The following ERI3 variants were observed in gnomAD, a reference collection of about 807,000 sequenced individuals.
ERI3 encodes the protein ERI1 exoribonuclease 3.
Under a neutral mutation model 44.4 loss-of-function variants are expected in ERI3, and 18 were observed. The observed-to-expected ratio is 0.41, with a 90% confidence interval of 0.28 to 0.60. The LOEUF (loss-of-function observed/expected upper bound fraction) is 0.60, where lower values mean the gene tolerates loss of function less well. Ranked by LOEUF, ERI3 falls within the 20% of genes least tolerant of loss-of-function variation. The pLI, the probability that ERI3 is intolerant of heterozygous loss-of-function variation, is 0.36. For missense variants in ERI3, 294 were observed against 435.5 expected (o/e 0.68, Z 2.89); for synonymous variants, 183 against 164.8 (o/e 1.11, Z -0.84).
At chr1:44,248,702 A>AGTGTGTGT (rs143570480) in intron 7 of ERI3, among the ~76,000 whole-genome samples, 31,736 of 148,300 alleles carry the variant, frequency 0.21, 3,635 homozygotes, top group African/African-American at 0.31. Context: ...TGTGAGAGAG[A>AGTGTGTGT]GTGTGTGTGT....
chr1:44,280,914 A>G (rs1234908960), intron 7 of ERI3, among the ~76,000 whole-genome samples: 1 of 152,198 alleles, frequency 6.6e-6, no homozygotes, highest in Non-Finnish European at 1.5e-5. Context: ...TCAACACATA[A>G]GGATTAAACA....
chr1:44,291,809 C>T (rs563913994), intron 6 of ERI3, among the ~76,000 whole-genome samples: 50 of 152,314 alleles, frequency 3.3e-4, no homozygotes, highest in Non-Finnish European at 1.0e-4. Context: ...GGAGCCTGGC[C>T]TTTTCCCCAG....
At chr1:44,258,961 C>T (rs541372483) in intron 7 of ERI3, among the ~76,000 whole-genome samples, 33 of 152,308 alleles carry the variant, frequency 2.2e-4, no homozygotes, top group African/African-American at 7.7e-4. Context: ...GCTCCTGTAT[C>T]TTCCTTGGTC....
intron 7 of ERI3, among the ~76,000 whole-genome samples, chr1:44,267,019 T>C (rs375162804): frequency 7.9e-5 from 12 of 152,096 alleles, no homozygotes; most frequent in African/African-American, 2.7e-4. Flanking sequence ...AATAGAGCAA[T>C]AGGAGCAGGT....
At chr1:44,307,438 C>T (rs893831406) in intron 6 of ERI3, among the ~76,000 whole-genome samples, 10 of 152,142 alleles carry the variant, frequency 6.6e-5, no homozygotes, top group Admixed American at 6.5e-4. Flanking sequence ...CACACAGAGA[C>T]ACACACACGG....
chr1:44,228,692 AG>A lies in ERI3; in HGVS notation c.932-7053del, dbSNP rs1373242202. 7.9e-5 allele frequency among the ~76,000 whole-genome samples: 12 copies of A among 151,958 alleles called. No homozygotes were observed. The highest frequency in any genetic ancestry group is 5.9e-5 in the Non-Finnish European group (4 of 67,960). Reference sequence around the variant, plus strand: ...CAGCCACTTGGGGGCAGTGGGGTGGAGGGGGGGATGTGCCTGGCCGGGAGGG... The same window carrying A: ...CAGCCACTTGGGGGCAGTGGGGTGGAGGGGGGATGTGCCTGGCCGGGAGGG... On this transcript the variant is annotated intron_variant, in intron 8 of 8. Coordinates refer to ENST00000372257, the MANE Select transcript of ERI3 (RefSeq NM_024066.3). The surrounding 1 kb of genome is among the most constrained non-coding windows in gnomAD (Gnocchi z 4.3).
At chr1:44,257,203 AATCAT>A (rs1284152517) in intron 7 of ERI3, among the ~76,000 whole-genome samples, 1 of 152,166 alleles carries the variant, frequency 6.6e-6, no homozygotes, top group Non-Finnish European at 1.5e-5. Flanking sequence ...AATCCATGGT[AATCAT>A]ATCAGGGATT....
At chr1:44,351,178 T>G (rs771378749) in intron 2 of ERI3, among the ~76,000 whole-genome samples, 1 of 151,992 alleles carries the variant, frequency 6.6e-6, no homozygotes, top group Non-Finnish European at 1.5e-5. Context: ...GGATTATAGA[T>G]GTGCACCACC....
chr1:44,288,703 T>C (rs536933048), intron 6 of ERI3, among the ~76,000 whole-genome samples: 25 of 152,180 alleles, frequency 1.6e-4, no homozygotes, highest in Non-Finnish European at 2.4e-4. Context: ...CAGGGCTCTT[T>C]ACAGTCCCTG....
intron 8 of ERI3, among the ~76,000 whole-genome samples, chr1:44,229,264 C>A (rs1043548465): frequency 3.3e-5 from 5 of 152,184 alleles, no homozygotes; most frequent in Admixed American, 6.5e-5. Context: ...CCATTTATCC[C>A]AGTGAATAAC....
chr1:44,230,296 A>G (rs1205362801), intron 8 of ERI3: 1 of 152,250 alleles, frequency 6.6e-6, no homozygotes, highest in African/African-American at 2.4e-5. Flanking sequence ...CCATCCAGGT[A>G]GAGGAGCCAG....
intron 2 of ERI3, among the ~76,000 whole-genome samples, chr1:44,348,298 T>C (rs776627470): frequency 6.6e-5 from 10 of 151,960 alleles, no homozygotes; most frequent in Non-Finnish European, 1.0e-4. Flanking sequence ...CGGAATACCA[T>C]TAAAAGGATT....
intron 8 of ERI3, among the ~76,000 whole-genome samples, chr1:44,244,764 G>A (rs1327753778): frequency 1.3e-5 from 2 of 151,802 alleles, no homozygotes; most frequent in African/African-American, 4.8e-5. Flanking sequence ...GCTTTCCCAC[G>A]CACAACCATC....
Position 44,352,852 on chromosome 1 carries a change from C to T in ERI3, c.209G>A (p.Arg70Lys), listed in dbSNP as rs1557875895. 5.6e-6 allele frequency: 9 copies of T among 1,614,170 alleles called. No individual in the cohort carries two copies. Among genetic ancestry groups the T allele is most frequent in the Non-Finnish European group, 7.6e-6 (9 of 1,180,028 alleles). The change falls in exon 2 of 9, where the codon AGA becomes AAA. Residue 70 changes from arginine to lysine, a missense_variant and splice_region_variant. Physicochemically the swap from Arg to Lys is conservative, Grantham distance 26 (BLOSUM62 2). Transcript: ENST00000372257. ...AAGLGIFEVR[R>K]VLDASGCSML... ...TGACCATGCAACAGGATTCTCACCTCTCCTTACTTCGAAGATGCCAAGACC... is the reference window on the plus strand; with the variant it reads ...TGACCATGCAACAGGATTCTCACCTTTCCTTACTTCGAAGATGCCAAGACC...
chr1:44,347,901 G>A (rs1197684351), intron 2 of ERI3, among the ~76,000 whole-genome samples: 1 of 151,998 alleles, frequency 6.6e-6, no homozygotes, highest in Non-Finnish European at 1.5e-5. Flanking sequence ...GTGTGTGTGT[G>A]TGTGTTTTAA....
chr1:44,354,017 A>C, intron 1 of ERI3: 2 of 985,426 alleles, frequency 2.0e-6, no homozygotes, highest in South Asian at 9.4e-5. Context: ...AGGTATAATA[A>C]ACTAAGCTCC....
In ERI3 at chr1:44,292,921, A is replaced by G. The variant is rs1160078412; in HGVS notation, c.759-8014T>C. Among the ~76,000 whole-genome samples, 3 of 152,332 alleles carry G rather than the reference A, an allele frequency of 2.0e-5. No individual in the cohort carries two copies. In the South Asian group the frequency reaches 6.2e-4, roughly 32 times the overall value. On this transcript the variant is annotated intron_variant, in intron 6 of 8. Coordinates refer to ENST00000372257, the MANE Select transcript of ERI3 (RefSeq NM_024066.3). Reference sequence around the variant, plus strand: ...CCCTCCCCAAACTTGTCATGGTACAAGAAGTCTATAAGCAGCCCATCAGCT... The same window carrying G: ...CCCTCCCCAAACTTGTCATGGTACAGGAAGTCTATAAGCAGCCCATCAGCT...
At chr1:44,332,274 C>T (rs779855610) in intron 3 of ERI3, among the ~76,000 whole-genome samples, 58 of 152,220 alleles carry the variant, frequency 3.8e-4, no homozygotes, top group Non-Finnish European at 6.6e-4. Flanking sequence ...GAGCTCTTCC[C>T]CACCACCAAC....
At chr1:44,292,047 T>C (rs1645517797) in intron 6 of ERI3, among the ~76,000 whole-genome samples, 2 of 152,186 alleles carry the variant, frequency 1.3e-5, no homozygotes, top group South Asian at 2.1e-4. Context: ...AAGGGTAACA[T>C]GCTTTACAAA....
Sources: gnomAD v4.1 joint callset for allele counts (sites outside exome capture counted in the v4.1 genomes callset) on GRCh38, gnomAD v4.1.1 for gene constraint, Gnocchi (gnomAD v3.1) non-coding constraint, MANE v1.5 for transcripts, NCBI Gene and HGNC (gene_info 2026-07-23, HGNC 2026-07-21) for gene names.